SCN2A: variants seen among roughly 807,000 people sequenced by gnomAD.
The protein encoded by SCN2A is sodium channel protein type 2 subunit alpha.
A neutral mutation model predicts 188.7 loss-of-function variants in SCN2A; 20 were observed. The ratio of observed to expected loss-of-function variants is 0.11; its 90% CI spans 0.07 to 0.15. SCN2A has a LOEUF of 0.15. Among genes scored for constraint, SCN2A ranks in the 10% least tolerant of loss-of-function variants. The pLI, the probability that SCN2A is intolerant of heterozygous loss-of-function variation, is 1.00. For missense variants in SCN2A, 1,278 were observed against 2,445.0 expected, an observed-to-expected ratio of 0.52 and a Z score of 10.07; for synonymous variants, 804 against 833.1, an observed-to-expected ratio of 0.97 and a Z score of 0.60.
chr2:165,353,835 A>G (rs532287343), intron 16 of SCN2A, among the ~76,000 whole-genome samples: 21 of 152,142 alleles, frequency 1.4e-4, no homozygotes, highest in Non-Finnish European at 2.2e-4. Flanking sequence ...ACAATTCCAC[A>G]TGAGACTTGG....
intron 16 of SCN2A, among the ~76,000 whole-genome samples, chr2:165,345,187 C>G (rs895073515): frequency 1.3e-5 from 2 of 152,228 alleles, no homozygotes; most frequent in Non-Finnish European, 2.9e-5. Flanking sequence ...TGTACTAGAG[C>G]ATGGAAGTGT....
At chr2:165,268,704 G>A (rs1396220718) in intron 1 of SCN2A, 4 of 151,692 alleles carry the variant, frequency 2.6e-5, no homozygotes, top group African/African-American at 9.7e-5. Flanking sequence ...CCAATAGACA[G>A]GATACGGAAT....
chr2:165,318,812 C>A (rs1697909355), intron 11 of SCN2A, among the ~76,000 whole-genome samples: 1 of 152,076 alleles, frequency 6.6e-6, no homozygotes, highest in African/African-American at 2.4e-5. Flanking sequence ...ACACATCCTG[C>A]AAATCCCGTA....
Position 165,310,503 on chromosome 2 carries a change from C to T in SCN2A, c.878C>T (p.Thr293Ile). The part of the protein sequence containing the change: ...PDNSSFEINI[T>I]SFFNNSLDGN... ...AATTCTTCCTTTGAAATAAATATCACTTCCTTCTTTAACAATTCATTGGAT... is the reference window on the plus strand; with the variant it reads ...AATTCTTCCTTTGAAATAAATATCATTTCCTTCTTTAACAATTCATTGGAT... Residue 293 changes from threonine to isoleucine, a missense_variant, in exon 7 of 27, where the codon ACT becomes ATT. Thr to Ile is a moderately conservative substitution (Grantham distance 89). Around this residue, in one of 17 missense-constraint regions of SCN2A, gnomAD observed 45 missense variants for 58.1 expected, o/e 0.77. Coordinates refer to ENST00000375437, the MANE Select transcript of SCN2A (RefSeq NM_001040142.2). 6.2e-7 allele frequency: 1 copy of T among 1,613,372 alleles called. No individual in the cohort carries two copies. Among genetic ancestry groups the T allele is most frequent in the Admixed American group, 1.7e-5 (1 of 59,940 alleles).
chr2:165,323,460 G>T lies in SCN2A; in HGVS notation c.1976G>T (p.Gly659Val), dbSNP rs368887417. The T allele has an allele frequency of 5.6e-6, 9 of 1,613,756 alleles. No homozygotes were observed. Among genetic ancestry groups the T allele is most frequent in the Non-Finnish European group, 6.8e-6 (8 of 1,179,910 alleles). ...DCNGVVSLVG[G>V]PSTLTSAGQL... ...AATGGTGTGGTCTCCCTGGTCGGGG[G>T]CCCTTCTACCCTCACATCTGCTGGG... The change falls in exon 12 of 27, where the codon GGC becomes GTC. Residue 659 changes from glycine to valine, a missense_variant. Transcript: ENST00000375437.
intron 1 of SCN2A, among the ~76,000 whole-genome samples, chr2:165,262,545 T>C (rs1694643681): frequency 6.6e-6 from 1 of 152,088 alleles, no homozygotes; most frequent in South Asian, 2.1e-4. Flanking sequence ...AGAAAGCCAT[T>C]ATTTCATTCC....
At chr2:165,269,393 G>A (rs75928688) in intron 1 of SCN2A, 22,295 of 151,938 alleles carry the variant, frequency 0.15, 1,687 homozygotes, top group South Asian at 0.23. Flanking sequence ...CAAACATGGT[G>A]GTCAAGAACT....
intron 1 of SCN2A, among the ~76,000 whole-genome samples, chr2:165,256,931 A>G (rs1694353704): frequency 6.6e-6 from 1 of 152,226 alleles, no homozygotes; most frequent in Non-Finnish European, 1.5e-5. Context: ...AGGAGAAGCT[A>G]TAACTTTGTT....
intron 1 of SCN2A, among the ~76,000 whole-genome samples, chr2:165,247,405 C>A (rs1038904693): frequency 6.6e-6 from 1 of 151,966 alleles, no homozygotes. Flanking sequence ...TTACTCTTAC[C>A]ATTTCACCAA....
chr2:165,333,674 T>C (rs975566748), intron 14 of SCN2A, among the ~76,000 whole-genome samples: 8 of 151,828 alleles, frequency 5.3e-5, no homozygotes, highest in Admixed American at 5.3e-4. Context: ...ATTTATACTC[T>C]AAATGTCTAT....
At chr2:165,382,860 A>G (rs1157564509) in intron 25 of SCN2A, among the ~76,000 whole-genome samples, 2 of 152,264 alleles carry the variant, frequency 1.3e-5, no homozygotes, top group East Asian at 3.9e-4. Flanking sequence ...ATTAGAATAG[A>G]GAAAAAAACA....
At chr2:165,296,327 T>G (rs1288422660) in intron 2 of SCN2A, 1 of 547,858 alleles carries the variant, frequency 1.8e-6, no homozygotes, top group Admixed American at 3.1e-5. Flanking sequence ...AGCGCGGGAA[T>G]TAAGGAAGGA....
At chr2:165,273,983 A>G (rs1695217080) in intron 1 of SCN2A, 1 of 152,166 alleles carries the variant, frequency 6.6e-6, no homozygotes. Flanking sequence ...TGGGGTAGAA[A>G]TCACATGAAT....
At chr2:165,263,921 A>G (rs1267269338) in intron 1 of SCN2A, among the ~76,000 whole-genome samples, 1 of 149,914 alleles carries the variant, frequency 6.7e-6, no homozygotes, top group African/African-American at 2.5e-5. Context: ...AAAGGGGTTG[A>G]GTTCTTGATT....
At chr2:165,381,233 A>T (rs756523174) in intron 25 of SCN2A, 36 bp downstream of exon 25, 1 of 1,406,914 alleles carries the variant, frequency 7.1e-7, no homozygotes, top group Admixed American at 2.0e-5. Flanking sequence ...TGTTAAAACT[A>T]TATTACCTAA....
At chr2:165,373,163 G>T in intron 20 of SCN2A, 62 bp from the exon 21 acceptor site, 1 of 1,567,460 alleles carries the variant, frequency 6.4e-7, no homozygotes. Context: ...CATAGAGCAA[G>T]GCTGAACTGT....
At position 165,324,632 on chromosome 2, in the gene SCN2A, AC is replaced by A. The variant is rs202225238; in HGVS notation, c.2016+1134del. Reference sequence around the variant, plus strand: ...AAAAAATGATCATAGATAACCATGTACCAGACACTGTCCAGAACACTGTACA... The same window carrying A: ...AAAAAATGATCATAGATAACCATGTACAGACACTGTCCAGAACACTGTACA... On this transcript the variant is annotated intron_variant, in intron 12 of 26. Transcript: ENST00000375437. 7.0e-3 allele frequency among the ~76,000 whole-genome samples: 1,072 copies of A among 152,318 alleles called. 14 individuals carry two copies. Among genetic ancestry groups the A allele is most frequent in the African/African-American group, 0.022 (913 of 41,562 alleles).
rs67417831 is a variant in SCN2A at position 165,294,010 on chromosome 2, TAAAAAAAAAAAAAAAA to T, written c.-51-1750_-51-1735del. On this transcript the variant is annotated intron_variant, in intron 1 of 26. Transcript: ENST00000375437. The stretch of plus-strand genomic sequence containing the variant: ...TTAGGTGTGGTCTTTGAAGGAGAAT[TAAAAAAAAAAAAAAAA>T]AAAAAAAAAAAAGATTTTTTTTTTT... 5.3e-5 allele frequency: 8 copies of T among 151,034 alleles called. 1 individual carries two copies. Among genetic ancestry groups the T allele is most frequent in the Non-Finnish European group, 6.8e-5 (8 of 118,326 alleles). The allele number at this position is 151,034 out of a possible 1,614,324, so 9.4% of individuals were successfully genotyped here.
intron 17 of SCN2A, among the ~76,000 whole-genome samples, chr2:165,356,200 G>A (rs1368355543): frequency 1.3e-5 from 2 of 152,074 alleles, no homozygotes; most frequent in Non-Finnish European, 2.9e-5. Context: ...AGGGACATAG[G>A]TATCAGTTTC....
Sources: allele counts gnomAD v4.1 joint callset (sites outside exome capture counted in the v4.1 genomes callset), GRCh38; gene constraint gnomAD v4.1.1; regional missense constraint gnomAD v4.1.1; transcripts MANE v1.5; gene names NCBI Gene and HGNC (gene_info 2026-07-23, HGNC 2026-07-21).